TBX3: variants seen among roughly 807,000 people sequenced by gnomAD.
TBX3 encodes T-box transcription factor TBX3.
Under a neutral mutation model 47.8 loss-of-function variants are expected in TBX3, and 11 were observed. The ratio of observed to expected loss-of-function variants is 0.23; its 90% CI spans 0.14 to 0.38. The LOEUF (loss-of-function observed/expected upper bound fraction) is 0.38. TBX3 is among the 10% of genes least tolerant of loss of function. TBX3 has a pLI of 1.00. For missense variants in TBX3, 927 were observed against 1,022.8 expected (o/e 0.91, Z 1.28); for synonymous variants, 500 against 449.3 (o/e 1.11, Z -1.43).
chr12:114,670,304 G>A lies in TBX3; in HGVS notation c.*1537C>T. On this transcript the variant is annotated 3_prime_UTR_variant, in exon 7 of 7. Coordinates refer to ENST00000349155, the MANE Select transcript of TBX3 (RefSeq NM_005996.4). ...AATTTCAGTGATGTTTTAAAGAGAGGGGGAAAAATACAGAAAACCAAAGAA... is the reference window on the plus strand; with the variant it reads ...AATTTCAGTGATGTTTTAAAGAGAGAGGGAAAAATACAGAAAACCAAAGAA... 1 of 223,478 alleles carries A rather than the reference G, an allele frequency of 4.5e-6. No individual in the cohort carries two copies. 13.8% of individuals were successfully genotyped at this position (223,478 alleles called of 1,614,324 possible).
rs928612940 is a variant in TBX3 at position 114,671,490 on chromosome 12, G to A, written c.*351C>T. The A allele has an allele frequency of 5.1e-6, 2 of 393,134 alleles. No homozygotes were observed. The highest frequency in any genetic ancestry group is 9.3e-6 in the Non-Finnish European group (2 of 215,984). The allele number at this position is 393,134 out of a possible 1,614,324, so 24.4% of individuals were successfully genotyped here. A position where few individuals can be genotyped will look rare whatever the true frequency, so the allele number is the denominator to read the frequency against. ...GAAGGAAAAATATATATATAAATCC[G>A]CACTGAGGGAGATGTCTTTGAACAC... On this transcript the variant is annotated 3_prime_UTR_variant, in exon 7 of 7. Transcript: ENST00000349155.
Position 114,674,463 on chromosome 12 carries a change from G to A in TBX3, c.1412C>T (p.Ala471Val), listed in dbSNP as rs575298892. Residue 471 changes from alanine to valine, a missense_variant, in exon 6 of 7, where the codon GCG becomes GTG. Around this residue, in one of 5 missense-constraint regions of TBX3, gnomAD observed 623 missense variants for 569.0 expected, o/e 1.09. Transcript: ENST00000349155. ...AGGCAGGGGGCCCTGGGCCAGGTGC[G>A]CGGCGGCCGCGTCCGTCTGCACCGT... ...PLTVQTDAAA[A>V]HLAQGPLPGL... is the part of the protein sequence containing the mutation. The A allele has an allele frequency of 1.9e-6, 3 of 1,542,130 alleles. No individual in the cohort carries two copies. Among genetic ancestry groups the A allele is most frequent in the Non-Finnish European group, 1.7e-6 (2 of 1,143,798 alleles).
intron 3 of TBX3, among the ~76,000 whole-genome samples, chr12:114,678,997 C>A (rs1270577539): frequency 2.0e-5 from 3 of 152,192 alleles, no homozygotes; most frequent in Non-Finnish European, 4.4e-5. Flanking sequence ...TGCACACACA[C>A]ACACACATCA....
Position 114,674,760 on chromosome 12 carries a change from G to T in TBX3, c.1115C>A (p.Ala372Glu). The T allele has an allele frequency of 6.3e-7, 1 of 1,590,832 alleles. No individual in the cohort carries two copies. Among genetic ancestry groups the T allele is most frequent in the Admixed American group, 1.7e-5 (1 of 57,314 alleles). ...CGACGTGGTGGTGGAGATCTTGGCC[G>T]CGTCGCAGGCCTCGGGGCCATGCTC... ...KEEHGPEACD[A>E]AKISTTTSEE... Residue 372 changes from alanine (A) to glutamate (E), a missense_variant, in exon 6 of 7, where the codon GCG becomes GAG. Coordinates refer to ENST00000349155, the MANE Select transcript of TBX3 (RefSeq NM_005996.4).
Position 114,674,482 on chromosome 12 carries a change from G to C in TBX3, c.1393C>G (p.Gln465Glu), listed in dbSNP as rs1565859420. 4 of 1,529,466 alleles carry C rather than the reference G, an allele frequency of 2.6e-6. No individual in the cohort carries two copies. Among genetic ancestry groups the C allele is most frequent in the Non-Finnish European group, 1.8e-6 (2 of 1,139,902 alleles). 94.7% of individuals were successfully genotyped at this position (1,529,466 alleles called of 1,614,324 possible). The change falls in exon 6 of 7, where the codon CAG (glutamine) becomes GAG (glutamate). Residue 465 changes from glutamine (Q) to glutamate (E), a missense_variant. Physicochemically the swap from Gln to Glu is conservative, Grantham distance 29. Coordinates refer to ENST00000349155, the MANE Select transcript of TBX3 (RefSeq NM_005996.4). ...GKEAFAPLTV[Q>E]TDAAAAHLAQ... ...AGGTGCGCGGCGGCCGCGTCCGTCT[G>C]CACCGTGAGCGGCGCGAAGGCCTCC... is the stretch of plus-strand genomic sequence containing the variant.
At position 114,677,577 on chromosome 12, in the gene TBX3, C is replaced by T. The variant is rs1477754567; in HGVS notation, c.881+3G>A. 5.0e-6 allele frequency: 8 copies of T among 1,614,032 alleles called. No individual in the cohort carries two copies. In the South Asian group the frequency reaches 7.7e-5, roughly 16 times the overall value. On this transcript the variant is annotated splice_donor_region_variant and intron_variant, in intron 4 of 6. Coordinates refer to ENST00000349155, the MANE Select transcript of TBX3 (RefSeq NM_005996.4). ...TATCTAATAAATAATTGTTTCAACT[C>T]ACCTTTTTTCTCTTCGGCCATTTCC...
At chr12:114,679,370 A>C in intron 3 of TBX3, 135 bp downstream of exon 3, 1 of 1,266,764 alleles carries the variant, frequency 7.9e-7, no homozygotes, top group Non-Finnish European at 1.1e-6. Context: ...TTTCCCCCCA[A>C]ATGCTCCACA....
Position 114,671,816 on chromosome 12 carries a change from A to T in TBX3, c.*25T>A, listed in dbSNP as rs141350926. 6.6e-4 allele frequency: 1,026 copies of T among 1,550,168 alleles called. 7 individuals are homozygous for T. The African/African-American group carries it at 0.012, about 18-fold the overall frequency. On this transcript the variant is annotated 3_prime_UTR_variant, in exon 7 of 7. Transcript: ENST00000349155. ...GCACGGCAGCCTGAACTGGACTGGA[A>T]TGAAAAGACGTGTCTGGGACGGGTC...
intron 2 of TBX3, chr12:114,680,633 A>T: frequency 1.6e-6 from 1 of 612,372 alleles, no homozygotes. Context: ...TCAGGAATCT[A>T]CCAAAGAGCT....
intron 4 of TBX3, 67 bp from the exon 5 acceptor site, chr12:114,676,537 C>T: frequency 1.9e-6 from 3 of 1,603,788 alleles, no homozygotes; most frequent in Non-Finnish European, 2.6e-6. Context: ...TTTCCCTTAC[C>T]CTTTCCAAAG....
At chr12:114,681,847 G>A (rs1244824990) in intron 1 of TBX3, among the ~76,000 whole-genome samples, 1 of 152,228 alleles carries the variant, frequency 6.6e-6, no homozygotes, top group East Asian at 1.9e-4. Flanking sequence ...GCATTCTGTA[G>A]TCTTGACTTA....
At chr12:114,680,274 C>T (rs1332874140) in intron 2 of TBX3, 3 of 432,414 alleles carry the variant, frequency 6.9e-6, no homozygotes, top group African/African-American at 2.0e-5. Context: ...TGCCTGATAT[C>T]TACAAGCAAT....
At chr12:114,674,859 C>T in intron 5 of TBX3, 24 bp from the exon 6 acceptor site, 1 of 1,554,536 alleles carries the variant, frequency 6.4e-7, no homozygotes, top group African/African-American at 1.3e-5. Context: ...AGGAAAAAAC[C>T]AAGGCAGAAG....
Position 114,670,324 on chromosome 12 carries a change from A to G in TBX3, c.*1517T>C, listed in dbSNP as rs1432690095. 2 of 224,956 alleles carry G rather than the reference A, an allele frequency of 8.9e-6. No homozygotes were observed. The highest frequency in any genetic ancestry group is 1.8e-5 in the Non-Finnish European group (2 of 112,980). The allele number at this position is 224,956 out of a possible 1,614,324, so 13.9% of individuals were successfully genotyped here. On this transcript the variant is annotated 3_prime_UTR_variant, in exon 7 of 7. Coordinates refer to ENST00000349155, the MANE Select transcript of TBX3 (RefSeq NM_005996.4). ...GAGAGGGGGAAAAATACAGAAAACC[A>G]AAGAACTCATCAACAACTATAACAC... is the stretch of plus-strand genomic sequence containing the variant.
chr12:114,679,368 C>G (rs1868835203), intron 3 of TBX3, 137 bp downstream of exon 3: 1 of 1,250,170 alleles, frequency 8.0e-7, no homozygotes, highest in East Asian at 2.4e-5. Flanking sequence ...CCTTTCCCCC[C>G]AAATGCTCCA....
intron 2 of TBX3, 30 bp from the exon 3 acceptor site, chr12:114,679,681 T>A: frequency 6.2e-7 from 1 of 1,613,988 alleles, no homozygotes; most frequent in Non-Finnish European, 8.5e-7. Flanking sequence ...GAGACATACA[T>A]AAAACAAGGA....
rs2121391827 is a variant in TBX3, at chr12:114,677,580, C to CT, written c.880dup (p.Arg294LysfsTer13). On this transcript the variant is annotated frameshift_variant and splice_region_variant, in exon 4 of 7. Transcript: ENST00000349155. LOFTEE classifies it high-confidence loss of function. ...CTAATAAATAATTGTTTCAACTCAC[C>CT]TTTTTTCTCTTCGGCCATTTCCAGT... 6.2e-7 allele frequency: 1 copy of CT among 1,613,998 alleles called. No homozygotes were observed. The highest frequency in any genetic ancestry group is 8.5e-7 in the Non-Finnish European group (1 of 1,179,944).
intron 2 of TBX3, chr12:114,680,139 G>A (rs1040116567): frequency 5.6e-5 from 39 of 699,016 alleles, no homozygotes; most frequent in South Asian, 1.2e-4. Context: ...ATTCCTGCCC[G>A]CTGAAGATAT....
intron 2 of TBX3, 134 bp downstream of exon 2, chr12:114,680,745 C>T: frequency 7.6e-7 from 1 of 1,322,226 alleles, no homozygotes; most frequent in South Asian, 1.2e-5. Flanking sequence ...ATCCTTTTTC[C>T]AGACGAGGAC....
Sources: allele counts gnomAD v4.1 joint callset (sites outside exome capture counted in the v4.1 genomes callset), GRCh38; gene constraint gnomAD v4.1.1; regional missense constraint gnomAD v4.1.1; transcripts MANE v1.5; gene names NCBI Gene and HGNC (gene_info 2026-07-23, HGNC 2026-07-21).